MARCO: variants seen among roughly 807,000 people sequenced by gnomAD.
The protein encoded by MARCO is macrophage receptor MARCO.
A neutral mutation model predicts 70.0 loss-of-function variants in MARCO; 72 were observed. The observed-to-expected ratio is 1.03, with a 90% CI of 0.85 to 1.25. The LOEUF is 1.25. Among genes scored for constraint, MARCO ranks in the 50% most tolerant of loss-of-function variants. The pLI is 0.00. For missense variants in MARCO, 696 were observed against 659.3 expected, an observed-to-expected ratio of 1.06 and a Z score of -0.61; for synonymous variants, 273 against 243.1, an observed-to-expected ratio of 1.12 and a Z score of -1.14.
chr2:118,953,158 G>A (rs1046814955), intron 1 of MARCO, among the ~76,000 whole-genome samples: 4 of 152,186 alleles, frequency 2.6e-5, no homozygotes, highest in African/African-American at 9.7e-5. Flanking sequence ...AAAGAAGTTG[G>A]TTACAAAAGT....
intron 12 of MARCO, among the ~76,000 whole-genome samples, chr2:118,987,096 A>G (rs1680531672): frequency 6.6e-6 from 1 of 152,244 alleles, no homozygotes; most frequent in South Asian, 2.1e-4. Flanking sequence ...TGGAAGGCAT[A>G]TGTTTTCTAA....
intron 4 of MARCO, among the ~76,000 whole-genome samples, chr2:118,972,183 C>T (rs1205723338): frequency 1.3e-5 from 2 of 152,224 alleles, no homozygotes; most frequent in Non-Finnish European, 2.9e-5. Flanking sequence ...ATGGCATGTG[C>T]TCTCTGAGGA....
chr2:118,987,174 C>T (rs1394096886), intron 12 of MARCO, among the ~76,000 whole-genome samples: 1 of 152,222 alleles, frequency 6.6e-6, no homozygotes, highest in African/African-American at 2.4e-5. Context: ...ATTTGGAACC[C>T]TTTCAGCTTG....
At chr2:118,970,453 AG>A in intron 3 of MARCO, 115 bp downstream of exon 3, 1 of 748,268 alleles carries the variant, frequency 1.3e-6, no homozygotes, top group Non-Finnish European at 2.2e-6. Context: ...TCCAAGAGCC[AG>A]GGACTTAGAG....
At chr2:118,991,300 C>T (rs898612838) in intron 13 of MARCO, among the ~76,000 whole-genome samples, 6 of 151,366 alleles carry the variant, frequency 4.0e-5, no homozygotes, top group African/African-American at 9.7e-5. Context: ...CTGTGTCACC[C>T]AGGCCCGAAT....
intron 12 of MARCO, among the ~76,000 whole-genome samples, chr2:118,986,675 AAG>A (rs1680506803): frequency 2.0e-5 from 1 of 49,614 alleles, no homozygotes; most frequent in African/African-American, 8.9e-5. Flanking sequence ...GAAGGAAGGA[AAG>A]AAAGAAAGAA....
At position 118,982,262 on chromosome 2, in the gene MARCO, C is replaced by G; in HGVS notation, c.1000+8C>G. ...GCTCCCCTGGGCGAGCAGGTGAGGT[C>G]CTGGGTCCTATGGTGGGCACAGGGA... is the stretch of plus-strand genomic sequence containing the variant. On this transcript the variant is annotated splice_region_variant and intron_variant, in intron 11 of 16. Transcript: ENST00000327097. The G allele has an allele frequency of 6.2e-7, 1 of 1,612,756 alleles. No individual in the cohort carries two copies. Among genetic ancestry groups the G allele is most frequent in the Non-Finnish European group, 8.5e-7 (1 of 1,178,998 alleles).
intron 4 of MARCO, 26 bp downstream of exon 4, chr2:118,971,560 C>T: frequency 1.2e-6 from 2 of 1,612,868 alleles, no homozygotes; most frequent in South Asian, 1.1e-5. Flanking sequence ...CTCACACCCA[C>T]CCTGCTCTTT....
intron 1 of MARCO, among the ~76,000 whole-genome samples, chr2:118,961,309 G>T (rs947098535): frequency 1.3e-4 from 20 of 152,154 alleles, no homozygotes; most frequent in African/African-American, 4.8e-4. Context: ...TTCCACAATG[G>T]TTGAACTAAT....
chr2:118,986,923 TG>T (rs1680529442), intron 12 of MARCO, among the ~76,000 whole-genome samples: 1 of 152,054 alleles, frequency 6.6e-6, no homozygotes, highest in Admixed American at 6.5e-5. Flanking sequence ...CTCAGCTACT[TG>T]ACGTTGCTGA....
Position 118,986,652 on chromosome 2 carries a change from A to AGAAAGAAG in MARCO, c.1064-3934_1064-3933insAGAAGGAA, listed in dbSNP as rs1558671615. Among the ~76,000 whole-genome samples the AGAAAGAAG allele has an allele frequency of 2.0e-3, 96 of 48,358 alleles. 1 individual carries two copies. The highest frequency in any genetic ancestry group is 2.7e-3 in the Non-Finnish European group (70 of 26,204). 31.7% of individuals were successfully genotyped at this position (48,358 alleles called of 152,430 possible). ...AAGAAAGAAAGAAAGAAAGAAAGAA[A>AGAAAGAAG]GAAGGAAGGAAGGAAGGAAGGAAAG... On this transcript the variant is annotated intron_variant, in intron 12 of 16. Transcript: ENST00000327097.
chr2:118,950,079 T>C (rs1425066443), intron 1 of MARCO, among the ~76,000 whole-genome samples: 1 of 152,202 alleles, frequency 6.6e-6, no homozygotes, highest in Non-Finnish European at 1.5e-5. Flanking sequence ...TTTTTATTAG[T>C]TTTTAGACCA....
chr2:118,992,958 G>A (rs547031077), intron 15 of MARCO, 166 bp from the exon 16 acceptor site: 12 of 636,354 alleles, frequency 1.9e-5, no homozygotes, highest in Non-Finnish European at 2.7e-5. Flanking sequence ...TGCGTGCCAG[G>A]TTGGGTTGGC....
intron 8 of MARCO, among the ~76,000 whole-genome samples, chr2:118,978,210 G>A (rs1036980033): frequency 3.3e-5 from 5 of 152,298 alleles, no homozygotes; most frequent in African/African-American, 1.2e-4. Context: ...GATGAGGAGA[G>A]TGGGCCTGCA....
intron 8 of MARCO, among the ~76,000 whole-genome samples, chr2:118,980,014 A>T (rs1399246153): frequency 6.6e-6 from 1 of 152,164 alleles, no homozygotes; most frequent in Non-Finnish European, 1.5e-5. Flanking sequence ...GACTGATGTG[A>T]TACTGCCCTC....
intron 1 of MARCO, among the ~76,000 whole-genome samples, chr2:118,955,372 G>T (rs1679815753): frequency 6.6e-6 from 1 of 151,946 alleles, no homozygotes; most frequent in African/African-American, 2.4e-5. Flanking sequence ...CAAAGACAAG[G>T]TCTTTGAATT....
At chr2:118,964,694 C>T (rs951374193) in intron 1 of MARCO, among the ~76,000 whole-genome samples, 2 of 151,920 alleles carry the variant, frequency 1.3e-5, no homozygotes. Flanking sequence ...TCAAGACCAG[C>T]CTGGACATCA....
At chr2:118,965,476 C>A (rs180958574) in intron 1 of MARCO, among the ~76,000 whole-genome samples, 1 of 152,146 alleles carries the variant, frequency 6.6e-6, no homozygotes, top group African/African-American at 2.4e-5. Flanking sequence ...TAATTGCTCA[C>A]TAAGGCATTT....
intron 8 of MARCO, among the ~76,000 whole-genome samples, 178 bp downstream of exon 8, chr2:118,978,113 A>C (rs1281897607): frequency 6.6e-6 from 1 of 152,142 alleles, no homozygotes; most frequent in Non-Finnish European, 1.5e-5. Context: ...GAGATGCAAT[A>C]TGAGAGGGAG....
Sources: gnomAD v4.1 joint callset for allele counts (sites outside exome capture counted in the v4.1 genomes callset) on GRCh38, gnomAD v4.1.1 for gene constraint, MANE v1.5 for transcripts, NCBI Gene and HGNC (gene_info 2026-07-23, HGNC 2026-07-21) for gene names.